The following FGF12 variants were observed in gnomAD, a reference collection of about 807,000 sequenced individuals.
The protein encoded by FGF12 is fibroblast growth factor 12.
FGF12 carries 14 observed loss-of-function variants against 23.6 expected under a neutral mutation model. The ratio of observed to expected loss-of-function variants is 0.59; its 90% CI spans 0.39 to 0.93. FGF12 has a LOEUF of 0.93. FGF12 is among the 40% of genes least tolerant of loss of function. FGF12 has a pLI of 0.00. For synonymous variants in FGF12, 62 were observed against 77.3 expected (o/e 0.80, Z 1.04); for missense variants, 175 against 217.8 (o/e 0.80, Z 1.24).
chr3:192,180,907 T>G (rs915529696), intron 4 of FGF12, among the ~76,000 whole-genome samples: 12 of 152,154 alleles, frequency 7.9e-5, no homozygotes, highest in African/African-American at 2.9e-4. Context: ...TTTCTTGCTT[T>G]CTTCAAGGGA....
chr3:192,209,458 A>G (rs934812529), intron 4 of FGF12, among the ~76,000 whole-genome samples: 2 of 152,198 alleles, frequency 1.3e-5, no homozygotes, highest in African/African-American at 2.4e-5. Context: ...TGTTTAAACC[A>G]CTTTTAGTTT....
At chr3:192,318,529 G>A (rs371725169) in intron 4 of FGF12, among the ~76,000 whole-genome samples, 12 of 151,924 alleles carry the variant, frequency 7.9e-5, no homozygotes, top group East Asian at 3.9e-4. Flanking sequence ...GAAAATTCAC[G>A]ATCAGAGAAG....
At chr3:192,441,078 CT>C (rs903460031) in intron 2 of FGF12, among the ~76,000 whole-genome samples, 24 of 152,308 alleles carry the variant, frequency 1.6e-4, no homozygotes, top group Admixed American at 1.2e-3. Context: ...TAAAAAGAGA[CT>C]TATTTTGTGG....
At chr3:192,701,913 A>C (rs755917819) in intron 2 of FGF12, among the ~76,000 whole-genome samples, 20 of 152,150 alleles carry the variant, frequency 1.3e-4, no homozygotes, top group South Asian at 2.1e-4. Context: ...CCCAGTATAT[A>C]ATACAATACA....
intron 4 of FGF12, among the ~76,000 whole-genome samples, chr3:192,312,465 A>G (rs1716002863): frequency 6.6e-6 from 1 of 151,772 alleles, no homozygotes. Context: ...CAATGGCAAC[A>G]AGATCTTTTC....
chr3:192,238,715 T>A (rs902248807), intron 4 of FGF12: 1 of 152,192 alleles, frequency 6.6e-6, no homozygotes, highest in East Asian at 1.9e-4. Flanking sequence ...TACATGTATA[T>A]TGCTCTTTCC....
intron 3 of FGF12, among the ~76,000 whole-genome samples, chr3:192,342,140 G>A (rs920470603): frequency 2.0e-5 from 3 of 152,110 alleles, no homozygotes; most frequent in Non-Finnish European, 4.4e-5. Flanking sequence ...GATCCCCAAT[G>A]CCTAGCATGA....
chr3:192,647,374 C>T lies in FGF12; in HGVS notation c.13+79807G>A, dbSNP rs1328205160. ...ACTCCATTTATTCTGCCAGCACTAA[C>T]CTACAAGTTCATTTCATTAAGAAGA... On this transcript the variant is annotated intron_variant, in intron 2 of 5. Transcript: ENST00000445105. Among the ~76,000 whole-genome samples the T allele has an allele frequency of 2.6e-5, 4 of 152,054 alleles. No homozygotes were observed. In the South Asian group the frequency reaches 6.2e-4, roughly 24 times the overall value.
At chr3:192,444,475 C>G (rs1162691067) in intron 2 of FGF12, among the ~76,000 whole-genome samples, 2 of 152,070 alleles carry the variant, frequency 1.3e-5, no homozygotes, top group Non-Finnish European at 2.9e-5. Context: ...GCCAATTGAT[C>G]CTAACATTGC....
chr3:192,653,463 C>T (rs1035063734), intron 2 of FGF12, among the ~76,000 whole-genome samples: 1 of 152,136 alleles, frequency 6.6e-6, no homozygotes, highest in Non-Finnish European at 1.5e-5. Flanking sequence ...GCTCCAACGC[C>T]ACCAGTTTTC....
At chr3:192,673,651 T>C (rs1242601786) in intron 2 of FGF12, among the ~76,000 whole-genome samples, 1 of 151,080 alleles carries the variant, frequency 6.6e-6, no homozygotes, top group African/African-American at 2.4e-5. Flanking sequence ...TGGCTTTCTG[T>C]TCCTGTGATA....
chr3:192,211,800 T>C (rs1037882612), intron 4 of FGF12, among the ~76,000 whole-genome samples: 2 of 152,118 alleles, frequency 1.3e-5, no homozygotes, highest in African/African-American at 2.4e-5. Context: ...AGGTATTAGA[T>C]CTGCTGCATG....
chr3:192,389,179 G>A (rs1241977306), intron 2 of FGF12, among the ~76,000 whole-genome samples: 1 of 152,192 alleles, frequency 6.6e-6, no homozygotes, highest in Non-Finnish European at 1.5e-5. Context: ...GGGCAACATG[G>A]CGAAACCCCA....
At chr3:192,518,890 C>T (rs1724745170) in intron 2 of FGF12, among the ~76,000 whole-genome samples, 1 of 151,958 alleles carries the variant, frequency 6.6e-6, no homozygotes, top group Non-Finnish European at 1.5e-5. Flanking sequence ...CTCCCTGACT[C>T]CTGTTCCTCT....
chr3:192,545,126 A>AT (rs1447406968), intron 2 of FGF12, among the ~76,000 whole-genome samples: 2 of 152,188 alleles, frequency 1.3e-5, no homozygotes, highest in African/African-American at 4.8e-5. Flanking sequence ...ACTCTCTAGC[A>AT]TAGCATTATA....
intron 2 of FGF12, among the ~76,000 whole-genome samples, chr3:192,567,059 G>A (rs972270774): frequency 3.3e-5 from 5 of 152,078 alleles, no homozygotes; most frequent in South Asian, 2.1e-4. Context: ...ACTTTCTCTC[G>A]TCTACTTCTT....
At chr3:192,249,465 C>T (rs1290146494) in intron 4 of FGF12, among the ~76,000 whole-genome samples, 1 of 152,024 alleles carries the variant, frequency 6.6e-6, no homozygotes, top group Non-Finnish European at 1.5e-5. Context: ...ATTTTTCCAC[C>T]ACTTCATGAA....
intron 2 of FGF12, among the ~76,000 whole-genome samples, chr3:192,611,204 A>T (rs1714538481): frequency 6.6e-6 from 1 of 152,024 alleles, no homozygotes; most frequent in African/African-American, 2.4e-5. Flanking sequence ...ACATACCTAG[A>T]AGCTCTGCTT....
intron 2 of FGF12, among the ~76,000 whole-genome samples, chr3:192,640,807 G>A (rs983824520): frequency 2.6e-5 from 4 of 151,014 alleles, no homozygotes; most frequent in Non-Finnish European, 5.9e-5. Context: ...TTGTTTGTTT[G>A]TTTGTTTGTT....
Sources: allele counts gnomAD v4.1 joint callset (sites outside exome capture counted in the v4.1 genomes callset), GRCh38; gene constraint gnomAD v4.1.1; transcripts MANE v1.5; gene names NCBI Gene and HGNC (gene_info 2026-07-23, HGNC 2026-07-21).